Variants in CHRDL2 observed in about 807,000 individuals in gnomAD.
CHRDL2 encodes chordin-like protein 2.
In CHRDL2, 41 loss-of-function variants were observed where a neutral mutation model predicts 54.3. The observed-to-expected ratio is 0.76, with a 90% CI of 0.59 to 0.98. CHRDL2 has a LOEUF of 0.98. Among genes scored for constraint, CHRDL2 ranks in the 50% least tolerant of loss-of-function variants. The pLI is 0.00. For missense variants in CHRDL2, 518 were observed against 562.4 expected, an observed-to-expected ratio of 0.92 and a Z score of 0.80; for synonymous variants, 220 against 224.3, an observed-to-expected ratio of 0.98 and a Z score of 0.17.
chr11:74,714,672 C>T (rs2034293961), intron 2 of CHRDL2, among the ~76,000 whole-genome samples: 1 of 152,216 alleles, frequency 6.6e-6, no homozygotes, highest in Middle Eastern at 3.2e-3. Context: ...AGGCCCAACG[C>T]ACATGGGTGC....
intron 9 of CHRDL2, among the ~76,000 whole-genome samples, chr11:74,698,067 CTTTT>C (rs11297072): frequency 3.1e-5 from 4 of 130,644 alleles, no homozygotes; most frequent in Non-Finnish European, 4.9e-5. Flanking sequence ...ACTTTTTTTT[CTTTT>C]TTTTTTTTTT....
intron 2 of CHRDL2, among the ~76,000 whole-genome samples, chr11:74,718,498 C>T (rs1294734017): frequency 6.6e-6 from 1 of 152,166 alleles, no homozygotes; most frequent in Non-Finnish European, 1.5e-5. Flanking sequence ...GGCCCTCATC[C>T]CAACCCAGCC....
intron 3 of CHRDL2, among the ~76,000 whole-genome samples, chr11:74,711,832 A>G (rs1431918167): frequency 2.0e-5 from 3 of 149,730 alleles, no homozygotes; most frequent in Non-Finnish European, 4.4e-5. Context: ...TTTTTTTGAG[A>G]GAGGGTCCTG....
At chr11:74,714,438 T>A (rs2034287400) in intron 2 of CHRDL2, among the ~76,000 whole-genome samples, 2 of 152,148 alleles carry the variant, frequency 1.3e-5, no homozygotes, top group South Asian at 4.1e-4. Flanking sequence ...TAGCCCCGCT[T>A]CTCCCCCTGG....
chr11:74,708,446 CTTGGG>C, intron 4 of CHRDL2, 51 bp from the exon 5 acceptor site: 1 of 1,383,882 alleles, frequency 7.2e-7, no homozygotes, highest in Non-Finnish European at 9.8e-7. Flanking sequence ...AAGGGCTAGC[CTTGGG>C]GGCTAGGAAC....
intron 10 of CHRDL2, 61 bp from the exon 11 acceptor site, chr11:74,696,646 C>T (rs1195443256): frequency 7.1e-6 from 9 of 1,270,660 alleles, no homozygotes; most frequent in Non-Finnish European, 1.0e-5. Flanking sequence ...ACAACAGAGG[C>T]AGCAGCTGGG....
intron 3 of CHRDL2, among the ~76,000 whole-genome samples, chr11:74,711,710 C>A (rs2034196578): frequency 6.6e-6 from 1 of 152,106 alleles, no homozygotes; most frequent in Non-Finnish European, 1.5e-5. Flanking sequence ...TGAGGTGGCT[C>A]ACGCCTATAA....
intron 7 of CHRDL2, among the ~76,000 whole-genome samples, chr11:74,703,849 C>G (rs1227099513): frequency 6.6e-6 from 1 of 152,222 alleles, no homozygotes; most frequent in Admixed American, 6.5e-5. Flanking sequence ...TGGCAGGTCC[C>G]TTTCCCCCCT....
At chr11:74,703,642 C>G (rs1229276984) in intron 7 of CHRDL2, 143 bp from the exon 8 acceptor site, 6 of 682,824 alleles carry the variant, frequency 8.8e-6, no homozygotes, top group Non-Finnish European at 1.4e-5. Context: ...AAGCATAGGC[C>G]AGGGTATAAA....
chr11:74,711,027 G>C (rs771046167), intron 3 of CHRDL2, 36 bp from the exon 4 acceptor site: 1 of 1,586,320 alleles, frequency 6.3e-7, no homozygotes, highest in Non-Finnish European at 8.6e-7. Context: ...AGAAGAAAAT[G>C]AGGTTTCATG....
intron 6 of CHRDL2, 100 bp downstream of exon 6, chr11:74,706,387 T>G: frequency 3.4e-6 from 4 of 1,177,892 alleles, no homozygotes; most frequent in Non-Finnish European, 5.0e-6. Flanking sequence ...AAACAAGAAA[T>G]GAGGACAATA....
At position 74,706,372 on chromosome 11, in the gene CHRDL2, G is replaced by A. The variant is rs745349978; in HGVS notation, c.582+115C>T. 8.6e-5 allele frequency: 88 copies of A among 1,026,498 alleles called. 1 individual carries two copies. Among genetic ancestry groups the A allele is most frequent in the Non-Finnish European group, 1.3e-4 (86 of 667,314 alleles). 63.6% of individuals were successfully genotyped at this position (1,026,498 alleles called of 1,614,324 possible). A position where few individuals can be genotyped will look rare whatever the true frequency, so the allele number is the denominator to read the frequency against. On this transcript the variant is annotated intron_variant, in intron 6 of 10. Transcript: ENST00000376332. ...GTGGATGTTCATGTAGCCAACCCAG[G>A]GGACAAACAAGAAATGAGGACAATA...
At position 74,731,128 on chromosome 11, in the gene CHRDL2, A is replaced by C; in HGVS notation, c.-240T>G. 1 of 541,766 alleles carries C rather than the reference A, an allele frequency of 1.8e-6. No homozygotes were observed. 33.6% of individuals were successfully genotyped at this position (541,766 alleles called of 1,614,324 possible). A position where few individuals can be genotyped will look rare whatever the true frequency, so the allele number is the denominator to read the frequency against. The stretch of plus-strand genomic sequence containing the variant: ...ACGCGGGGAAAGGAGGGAGAGATGG[A>C]GAGACGAAGGAAGGTCCAGCAGAAG... On this transcript the variant is annotated 5_prime_UTR_variant, in exon 1 of 11. Coordinates refer to ENST00000376332, the MANE Select transcript of CHRDL2 (RefSeq NM_001278473.3). This position sits in a 1 kb window ranked among gnomAD's most constrained non-coding sequence, Gnocchi z 4.4.
chr11:74,727,437 C>G (rs907507469), intron 1 of CHRDL2, among the ~76,000 whole-genome samples: 4 of 152,180 alleles, frequency 2.6e-5, no homozygotes, highest in African/African-American at 4.8e-5. Context: ...CAGGGTCTCA[C>G]TGTGATACCC....
chr11:74,730,745 T>C, intron 1 of CHRDL2, 62 bp downstream of exon 1: 1 of 1,467,008 alleles, frequency 6.8e-7, no homozygotes, highest in South Asian at 1.2e-5. Flanking sequence ...GTCCTGGCGC[T>C]GTCCCTCACA....
intron 9 of CHRDL2, chr11:74,701,400 G>A (rs1360790851): frequency 2.0e-6 from 1 of 506,868 alleles, no homozygotes; most frequent in Non-Finnish European, 3.6e-6. Flanking sequence ...GAACACAGCT[G>A]CTCCCTCTGC....
At chr11:74,716,153 T>C (rs2034344889) in intron 2 of CHRDL2, among the ~76,000 whole-genome samples, 1 of 151,816 alleles carries the variant, frequency 6.6e-6, no homozygotes, top group Non-Finnish European at 1.5e-5. Context: ...ACATTCCAAG[T>C]GGAGGAAACA....
intron 9 of CHRDL2, chr11:74,697,623 G>A (rs1028166750): frequency 1.5e-5 from 7 of 476,830 alleles, no homozygotes; most frequent in Non-Finnish European, 2.5e-5. Context: ...CTTCCCTGAC[G>A]TCCTGTCGCC....
chr11:74,703,161 T>C, intron 8 of CHRDL2, 144 bp downstream of exon 8: 2 of 1,089,208 alleles, frequency 1.8e-6, no homozygotes, highest in Non-Finnish European at 2.6e-6. Flanking sequence ...TTTCCACTCC[T>C]GTGTGTCTGA....
Sources: gnomAD v4.1 joint callset for allele counts (sites outside exome capture counted in the v4.1 genomes callset) on GRCh38, gnomAD v4.1.1 for gene constraint, Gnocchi (gnomAD v3.1) non-coding constraint, MANE v1.5 for transcripts, NCBI Gene and HGNC (gene_info 2026-07-23, HGNC 2026-07-21) for gene names.